The following KLHL1 variants were observed in gnomAD, a reference collection of about 807,000 sequenced individuals.
The protein encoded by KLHL1 is kelch like family member 1.
A neutral mutation model predicts 77.7 loss-of-function variants in KLHL1; 47 were observed. The observed-to-expected ratio is 0.60, with a 90% CI of 0.48 to 0.77. The LOEUF (loss-of-function observed/expected upper bound fraction) is 0.77, where lower values mean the gene tolerates loss of function less well. KLHL1 is among the 30% of genes least tolerant of loss of function. KLHL1 has a pLI of 0.00. For synonymous variants in KLHL1, 360 were observed against 325.2 expected (o/e 1.11, Z -1.15); for missense variants, 925 against 910.8 (o/e 1.02, Z -0.20).
chr13:69,899,874 A>G (rs1881796603), intron 4 of KLHL1, among the ~76,000 whole-genome samples: 1 of 152,046 alleles, frequency 6.6e-6, no homozygotes, highest in African/African-American at 2.4e-5. Context: ...TGTACTATGA[A>G]CAATAGCTAT....
At chr13:69,742,409 C>T (rs889723253) in intron 7 of KLHL1, among the ~76,000 whole-genome samples, 2 of 152,096 alleles carry the variant, frequency 1.3e-5, no homozygotes, top group East Asian at 3.8e-4. Flanking sequence ...ATGAGAGACC[C>T]ATGAAGAATT....
chr13:69,845,981 A>G (rs573891012), intron 5 of KLHL1, among the ~76,000 whole-genome samples: 1 of 151,664 alleles, frequency 6.6e-6, no homozygotes, highest in Admixed American at 6.6e-5. Context: ...TAATACATAC[A>G]GGAAAATGTC....
intron 5 of KLHL1, among the ~76,000 whole-genome samples, chr13:69,877,657 T>A (rs1880819055): frequency 1.3e-5 from 2 of 152,150 alleles, no homozygotes; most frequent in South Asian, 2.1e-4. Flanking sequence ...TCTATCACTA[T>A]CATTTTCCCT....
chr13:69,900,699 C>G (rs1043213857), intron 4 of KLHL1, among the ~76,000 whole-genome samples: 3 of 152,126 alleles, frequency 2.0e-5, no homozygotes, highest in African/African-American at 7.2e-5. Flanking sequence ...GAGGGAAACA[C>G]TTTGATCTTT....
intron 6 of KLHL1, among the ~76,000 whole-genome samples, chr13:69,820,361 C>A (rs1566290751): frequency 6.6e-6 from 1 of 152,278 alleles, no homozygotes; most frequent in East Asian, 1.9e-4. Context: ...GTCCACAAGT[C>A]ATTACTTAAC....
At chr13:69,840,691 T>C (rs964970716) in intron 5 of KLHL1, among the ~76,000 whole-genome samples, 1 of 139,504 alleles carries the variant, frequency 7.2e-6, no homozygotes, top group South Asian at 2.1e-4. Context: ...ACTTTATATA[T>C]ATATATATAT....
At chr13:70,000,158 A>C (rs575206723) in intron 1 of KLHL1, among the ~76,000 whole-genome samples, 24 of 152,048 alleles carry the variant, frequency 1.6e-4, no homozygotes, top group Non-Finnish European at 2.8e-4. Flanking sequence ...TTCCACCAAG[A>C]CATGAAATTA....
intron 6 of KLHL1, among the ~76,000 whole-genome samples, chr13:69,806,566 C>T (rs1877626600): frequency 1.3e-5 from 2 of 152,286 alleles, no homozygotes; most frequent in Admixed American, 6.5e-5. Flanking sequence ...AGACTGACAG[C>T]TGGAAACCAA....
chr13:69,929,044 A>T (rs187278320), intron 4 of KLHL1, among the ~76,000 whole-genome samples: 2 of 152,244 alleles, frequency 1.3e-5, no homozygotes. Context: ...TTTATTACTT[A>T]ATGACAAGAC....
At chr13:69,796,148 C>T (rs891028403) in intron 7 of KLHL1, among the ~76,000 whole-genome samples, 2 of 152,036 alleles carry the variant, frequency 1.3e-5, no homozygotes, top group African/African-American at 2.4e-5. Context: ...TGTATCTCAA[C>T]GGTTTAAAAT....
Position 69,966,612 on chromosome 13 carries a change from T to C in KLHL1, c.681-5168A>G, listed in dbSNP as rs1360766329. Among the ~76,000 whole-genome samples the C allele has an allele frequency of 5.9e-5, 9 of 152,320 alleles. No homozygotes were observed. In the East Asian group the frequency reaches 1.5e-3, roughly 26 times the overall value. On this transcript the variant is annotated intron_variant, in intron 2 of 10. Coordinates refer to ENST00000377844, the MANE Select transcript of KLHL1 (RefSeq NM_020866.3). The stretch of plus-strand genomic sequence containing the variant: ...AGTATATTTCATTTCTTTTCTTTTT[T>C]CCTTTTTATTTGTACAGATTTTTGC...
intron 4 of KLHL1, among the ~76,000 whole-genome samples, chr13:69,916,089 A>T (rs1248694698): frequency 6.6e-6 from 1 of 152,154 alleles, no homozygotes; most frequent in Non-Finnish European, 1.5e-5. Context: ...GTCAGGAAAC[A>T]ACAGGTGCTG....
intron 3 of KLHL1, among the ~76,000 whole-genome samples, chr13:69,955,331 A>G (rs1883832907): frequency 6.6e-6 from 1 of 151,312 alleles, no homozygotes; most frequent in Admixed American, 6.6e-5. Flanking sequence ...CTATCTTAAC[A>G]TTTCTTAGCA....
chr13:69,897,406 A>G (rs1312956291), intron 4 of KLHL1, among the ~76,000 whole-genome samples: 1 of 152,224 alleles, frequency 6.6e-6, no homozygotes, highest in African/African-American at 2.4e-5. Flanking sequence ...CTTGACATCA[A>G]CGGACATTCT....
chr13:70,061,571 G>T (rs1278671826), intron 1 of KLHL1, among the ~76,000 whole-genome samples: 3 of 152,062 alleles, frequency 2.0e-5, no homozygotes, highest in Non-Finnish European at 2.9e-5. Flanking sequence ...CCTTAAGTCA[G>T]ATTTTCTCTT....
intron 1 of KLHL1, 144 bp downstream of exon 1, chr13:70,107,059 A>T (rs1888078523): frequency 8.2e-7 from 1 of 1,224,114 alleles, no homozygotes; most frequent in African/African-American, 1.5e-5. Context: ...TGAAATTAGA[A>T]CTTGAGTAAT....
intron 1 of KLHL1, among the ~76,000 whole-genome samples, chr13:70,083,534 A>G (rs1412681783): frequency 6.6e-6 from 1 of 152,182 alleles, no homozygotes; most frequent in Non-Finnish European, 1.5e-5. Context: ...TTAATTTTAG[A>G]CTTTGTAGAT....
intron 5 of KLHL1, among the ~76,000 whole-genome samples, chr13:69,849,331 A>C (rs4884862): frequency 0.93 from 141,519 of 151,448 alleles, 66,351 homozygotes; most frequent in East Asian, 0.99. Flanking sequence ...TGAGTATGCC[A>C]AAAATTCTAC....
At chr13:69,818,374 C>G (rs933155531) in intron 6 of KLHL1, among the ~76,000 whole-genome samples, 1 of 151,828 alleles carries the variant, frequency 6.6e-6, no homozygotes, top group Non-Finnish European at 1.5e-5. Flanking sequence ...GTGGGTGCCA[C>G]CACACCCAGC....
Sources: allele counts gnomAD v4.1 joint callset (sites outside exome capture counted in the v4.1 genomes callset), GRCh38; gene constraint gnomAD v4.1.1; transcripts MANE v1.5; gene names NCBI Gene and HGNC (gene_info 2026-07-23, HGNC 2026-07-21).